CRY1: variants seen among roughly 807,000 people sequenced by gnomAD.
CRY1 encodes cryptochrome circadian regulator 1.
A neutral mutation model predicts 76.0 loss-of-function variants in CRY1; 45 were observed. The ratio of observed to expected loss-of-function variants is 0.59; its 90% confidence interval spans 0.47 to 0.76. The LOEUF is 0.76. Among genes scored for constraint, CRY1 ranks in the 30% least tolerant of loss-of-function variants. The probability of loss-of-function intolerance (pLI) is 0.00; values close to 1 mark genes in which losing one functional copy is unlikely to be tolerated. For missense variants in CRY1, 587 were observed against 716.4 expected, an observed-to-expected ratio of 0.82 and a Z score of 2.06; for synonymous variants, 248 against 244.0, an observed-to-expected ratio of 1.02 and a Z score of -0.15.
intron 2 of CRY1, among the ~76,000 whole-genome samples, chr12:107,014,773 G>T (rs1168576059): frequency 1.3e-5 from 2 of 152,106 alleles, no homozygotes; most frequent in Non-Finnish European, 2.9e-5. Flanking sequence ...TTGGTTCCAG[G>T]ACCCCCTGTG....
At chr12:106,997,752 C>G in intron 8 of CRY1, 62 bp from the exon 9 acceptor site, 1 of 1,573,874 alleles carries the variant, frequency 6.4e-7, no homozygotes, top group Non-Finnish European at 8.7e-7. Flanking sequence ...TAACTACTAG[C>G]TATGACAGAC....
chr12:107,069,730 T>C (rs1213504148), intron 1 of CRY1, among the ~76,000 whole-genome samples: 1 of 145,828 alleles, frequency 6.9e-6, no homozygotes, highest in African/African-American at 2.5e-5. Context: ...AGTATATATG[T>C]AATATATATT....
At chr12:107,045,560 G>A (rs1484319415) in intron 1 of CRY1, among the ~76,000 whole-genome samples, 1 of 152,188 alleles carries the variant, frequency 6.6e-6, no homozygotes, top group Non-Finnish European at 1.5e-5. Context: ...TATACATGAA[G>A]TCCTTGCCCA....
At chr12:107,067,648 G>C (rs1252993017) in intron 1 of CRY1, among the ~76,000 whole-genome samples, 1 of 152,014 alleles carries the variant, frequency 6.6e-6, no homozygotes, top group East Asian at 1.9e-4. Context: ...CTGGAAAAGA[G>C]GCCCTTCCAT....
At chr12:107,083,543 A>C (rs1376577499) in intron 1 of CRY1, among the ~76,000 whole-genome samples, 1 of 152,234 alleles carries the variant, frequency 6.6e-6, no homozygotes, top group Admixed American at 6.5e-5. Context: ...CACCATATGC[A>C]AATCAATAAA....
At chr12:106,992,726 T>C in intron 12 of CRY1, 61 bp downstream of exon 12, 1 of 1,342,018 alleles carries the variant, frequency 7.5e-7, no homozygotes. Context: ...TTTGAAATTA[T>C]CTTAATTTAT....
intron 1 of CRY1, among the ~76,000 whole-genome samples, chr12:107,044,826 GA>G (rs1952832757): frequency 6.6e-6 from 1 of 152,020 alleles, no homozygotes; most frequent in African/African-American, 2.4e-5. Flanking sequence ...TGTCATTGGA[GA>G]AAGAAAAGGA....
chr12:107,091,142 C>T (rs962215668), intron 1 of CRY1, among the ~76,000 whole-genome samples: 2 of 151,994 alleles, frequency 1.3e-5, no homozygotes, highest in South Asian at 2.1e-4. Flanking sequence ...TAGGTTCATG[C>T]GATTCTCGTG....
At chr12:107,065,622 G>A (rs1953100915) in intron 1 of CRY1, among the ~76,000 whole-genome samples, 1 of 151,858 alleles carries the variant, frequency 6.6e-6, no homozygotes, top group Admixed American at 6.6e-5. Context: ...AAATAACTGG[G>A]AATTTTGGTG....
At chr12:106,998,142 G>A in intron 7 of CRY1, 76 bp from the exon 8 acceptor site, 1 of 1,534,220 alleles carries the variant, frequency 6.5e-7, no homozygotes, top group Non-Finnish European at 8.9e-7. Flanking sequence ...TCACAGTAGA[G>A]CCAAAGTCAA....
chr12:107,009,547 CA>C (rs1428677003), intron 2 of CRY1, among the ~76,000 whole-genome samples: 1 of 39,124 alleles, frequency 2.6e-5, no homozygotes. Context: ...TCAGAAAAAA[CA>C]AAAAAACAAA....
rs187328143 is a variant in CRY1 at position 107,026,404 on chromosome 12, T to C, written c.159-4212A>G. 2.5e-3 allele frequency among the ~76,000 whole-genome samples: 380 copies of C among 151,510 alleles called. 5 individuals carry two copies. The highest frequency in any genetic ancestry group is 9.1e-3 in the African/African-American group (374 of 41,266). On this transcript the variant is annotated intron_variant, in intron 1 of 12. Coordinates refer to ENST00000008527, the MANE Select transcript of CRY1 (RefSeq NM_004075.5). ...GTGCTACCACCCTGGCTAATTATTT[T>C]TGTATTTTTAGTAGAGATAGGGTTT... is the stretch of plus-strand genomic sequence containing the variant.
At chr12:107,070,757 G>A (rs1342585393) in intron 1 of CRY1, among the ~76,000 whole-genome samples, 4 of 151,108 alleles carry the variant, frequency 2.6e-5, no homozygotes, top group Non-Finnish European at 4.4e-5. Flanking sequence ...CTGGAGTGTA[G>A]TGGCGCGACC....
At position 106,999,766 on chromosome 12, in the gene CRY1, T is replaced by C; in HGVS notation, c.922A>G (p.Lys308Glu). The C allele has an allele frequency of 6.2e-7, 1 of 1,614,244 alleles. No individual in the cohort carries two copies. The highest frequency in any genetic ancestry group is 8.5e-7 in the Non-Finnish European group (1 of 1,180,034). The change falls in exon 7 of 13, where the codon AAA becomes GAA. Residue 308 changes from lysine (K) to glutamate (E), a missense_variant. Lys to Glu is a moderately conservative substitution (Grantham distance 56, BLOSUM62 1). Transcript: ENST00000008527. ...TAATNNPRFD[K>E]MEGNPICVQI... ...ACACAGATAGGGTTTCCTTCCATTTTATCAAAGCGTGGATTATTTGTTGCT... is the reference window on the plus strand; with the variant it reads ...ACACAGATAGGGTTTCCTTCCATTTCATCAAAGCGTGGATTATTTGTTGCT...
intron 3 of CRY1, among the ~76,000 whole-genome samples, chr12:107,004,604 C>T (rs1453678644): frequency 1.3e-5 from 2 of 152,094 alleles, no homozygotes; most frequent in African/African-American, 4.8e-5. Flanking sequence ...TTCTATTATG[C>T]CATTGTTCAG....
At position 107,000,485 on chromosome 12, in the gene CRY1, G is replaced by A. The variant is rs187857021; in HGVS notation, c.685-403C>T. Among the ~76,000 whole-genome samples, 174 of 151,898 alleles carry A rather than the reference G, an allele frequency of 1.1e-3. 1 individual carries two copies. The highest frequency in any genetic ancestry group is 4.1e-3 in the African/African-American group (171 of 41,422). On this transcript the variant is annotated intron_variant, in intron 5 of 12. Transcript: ENST00000008527. ...TTGCCTCAGCCTCCTGAGTAGCTGC[G>A]ACTACAGGCATGCGCCACCACGCCC... is the stretch of plus-strand genomic sequence containing the variant.
intron 1 of CRY1, 140 bp downstream of exon 1, chr12:107,092,664 C>A: frequency 8.1e-7 from 1 of 1,239,016 alleles, no homozygotes; most frequent in Non-Finnish European, 1.1e-6. Flanking sequence ...CTATTTAATA[C>A]TTAGGGCACC....
intron 1 of CRY1, among the ~76,000 whole-genome samples, chr12:107,039,493 T>TA (rs1003387638): frequency 1.3e-5 from 2 of 152,102 alleles, no homozygotes; most frequent in African/African-American, 2.4e-5. Flanking sequence ...AACAACCCGT[T>TA]AAAAAATGGG....
At chr12:107,058,111 T>C (rs1367990818) in intron 1 of CRY1, among the ~76,000 whole-genome samples, 2 of 151,888 alleles carry the variant, frequency 1.3e-5, no homozygotes, top group African/African-American at 2.4e-5. Context: ...AACTGAAGTT[T>C]AAAAAAAAGT....
Sources: allele counts gnomAD v4.1 joint callset (sites outside exome capture counted in the v4.1 genomes callset), GRCh38; gene constraint gnomAD v4.1.1; transcripts MANE v1.5; gene names NCBI Gene and HGNC (gene_info 2026-07-23, HGNC 2026-07-21).